Variants in EDARADD observed in about 807,000 individuals in gnomAD.
EDARADD encodes EDAR associated via death domain, also known as ectodysplasin-A receptor-associated adapter protein.
EDARADD carries 20 observed loss-of-function variants against 25.6 expected under a neutral mutation model. The observed-to-expected ratio is 0.78, with a 90% confidence interval of 0.55 to 1.14. EDARADD has a LOEUF of 1.14. EDARADD is among the 50% of genes most tolerant of loss of function. The pLI, the probability that EDARADD is intolerant of heterozygous loss-of-function variation, is 0.00. For missense variants in EDARADD, 225 were observed against 270.1 expected, an observed-to-expected ratio of 0.83 and a Z score of 1.17; for synonymous variants, 86 against 94.4, an observed-to-expected ratio of 0.91 and a Z score of 0.52.
At chr1:236,362,125 G>C (rs1211377938) in intron 3 of EDARADD, among the ~76,000 whole-genome samples, 1 of 152,186 alleles carries the variant, frequency 6.6e-6, no homozygotes, top group Non-Finnish European at 1.5e-5. Flanking sequence ...ATCCAGGCTG[G>C]AGTGCAGTGC....
chr1:236,358,947 A>G (rs1351994375), intron 3 of EDARADD, among the ~76,000 whole-genome samples: 1 of 152,178 alleles, frequency 6.6e-6, no homozygotes, highest in Non-Finnish European at 1.5e-5. Flanking sequence ...TGTCTTGATG[A>G]TCTATCTAAT....
chr1:236,447,166 CTCCCTCTTTCTT>C (rs1243499623), intron 4 of EDARADD, among the ~76,000 whole-genome samples: 111 of 115,074 alleles, frequency 9.6e-4, no homozygotes, highest in East Asian at 1.7e-3. Flanking sequence ...CCCTCCCTCC[CTCCCTCTTTCTT>C]TCTTTCTTTC....
intron 4 of EDARADD, among the ~76,000 whole-genome samples, chr1:236,465,110 C>G (rs558290471): frequency 6.6e-6 from 1 of 152,176 alleles, no homozygotes; most frequent in Non-Finnish European, 1.5e-5. Context: ...CACTTCATCC[C>G]CTTCTCTCCT....
At chr1:236,384,803 C>T (rs1405805026) in intron 3 of EDARADD, among the ~76,000 whole-genome samples, 2 of 152,086 alleles carry the variant, frequency 1.3e-5, no homozygotes, top group African/African-American at 4.8e-5. Context: ...GCTCCTGGCC[C>T]ATTTTCAGAC....
At chr1:236,427,359 G>A in intron 3 of EDARADD, 33 bp from the exon 4 acceptor site, 1 of 1,592,360 alleles carries the variant, frequency 6.3e-7, no homozygotes, top group Non-Finnish European at 8.6e-7. Flanking sequence ...ATCACACTTT[G>A]TTTCTTTCTT....
intron 1 of EDARADD, among the ~76,000 whole-genome samples, chr1:236,408,389 G>C (rs1667774909): frequency 6.6e-6 from 1 of 152,034 alleles, no homozygotes; most frequent in Non-Finnish European, 1.5e-5. Flanking sequence ...TTTTAGTAGA[G>C]ATGGGGTTTC....
chr1:236,366,270 C>G (rs373697995), intron 3 of EDARADD, among the ~76,000 whole-genome samples: 9 of 152,240 alleles, frequency 5.9e-5, no homozygotes, highest in African/African-American at 1.9e-4. Flanking sequence ...CTTCTCGTGT[C>G]TTGCTTTTAA....
chr1:236,395,651 C>T lies in EDARADD; in HGVS notation c.61+1146C>T. 2 of 1,576,412 alleles carry T rather than the reference C, an allele frequency of 1.3e-6. No individual in the cohort carries two copies. Among genetic ancestry groups the T allele is most frequent in the South Asian group, 2.3e-5 (2 of 86,524 alleles). ...CGCCATGGCTTCACCGGACGACCCTCTGCGCGCAGGTAAAGGGACACAGCG... is the reference window on the plus strand; with the variant it reads ...CGCCATGGCTTCACCGGACGACCCTTTGCGCGCAGGTAAAGGGACACAGCG... On this transcript the variant is annotated intron_variant, in intron 1 of 5. Coordinates refer to ENST00000334232, the MANE Select transcript of EDARADD (RefSeq NM_145861.4). This position sits in a 1 kb window ranked among gnomAD's most constrained non-coding sequence, Gnocchi z 6.9.
chr1:236,400,147 G>T (rs1341238637), intron 1 of EDARADD, among the ~76,000 whole-genome samples: 1 of 152,146 alleles, frequency 6.6e-6, no homozygotes, highest in Non-Finnish European at 1.5e-5. Flanking sequence ...CTCCACGTGG[G>T]TTTTCCCAAT....
At chr1:236,446,882 T>C (rs1658553644) in intron 4 of EDARADD, among the ~76,000 whole-genome samples, 1 of 152,222 alleles carries the variant, frequency 6.6e-6, no homozygotes, top group South Asian at 2.1e-4. Context: ...GCACGCACTG[T>C]AACGCATGTG....
chr1:236,431,591 G>A (rs892504489), intron 4 of EDARADD, among the ~76,000 whole-genome samples: 5 of 152,112 alleles, frequency 3.3e-5, no homozygotes, highest in African/African-American at 1.2e-4. Flanking sequence ...GGGTATTCTT[G>A]GACATAAAAA....
intron 4 of EDARADD, among the ~76,000 whole-genome samples, chr1:236,463,473 A>G (rs1010963148): frequency 4.6e-5 from 7 of 152,148 alleles, no homozygotes; most frequent in Non-Finnish European, 8.8e-5. Context: ...TTGTATTTTT[A>G]GTAGATGCGG....
intron 1 of EDARADD, 88 bp from the exon 2 acceptor site, chr1:236,409,128 C>G: frequency 1.3e-6 from 1 of 787,446 alleles, no homozygotes; most frequent in Non-Finnish European, 2.0e-6. Context: ...TTACTTGCCT[C>G]TGTATAGAGA....
At chr1:236,479,453 C>G (rs1418378516) in intron 5 of EDARADD, among the ~76,000 whole-genome samples, 1 of 151,808 alleles carries the variant, frequency 6.6e-6, no homozygotes. Context: ...CGTGATTGTG[C>G]CACTGCCATC....
At chr1:236,432,937 A>AAAAG (rs577153679) in intron 4 of EDARADD, among the ~76,000 whole-genome samples, 6,593 of 151,340 alleles carry the variant, frequency 0.044, 384 homozygotes, top group African/African-American at 0.14. Context: ...CAAAAAAAAA[A>AAAAG]AAAGAAAGAA....
chr1:236,412,411 T>C (rs1421294400), intron 2 of EDARADD, among the ~76,000 whole-genome samples: 1 of 152,188 alleles, frequency 6.6e-6, no homozygotes, highest in African/African-American at 2.4e-5. Flanking sequence ...TCTTCCCTCA[T>C]GCAAAGTCAG....
chr1:236,434,743 A>G (rs1658196152), intron 4 of EDARADD, among the ~76,000 whole-genome samples: 1 of 152,070 alleles, frequency 6.6e-6, no homozygotes, highest in South Asian at 2.1e-4. Flanking sequence ...CTGGAAGGTA[A>G]GTTGAGACCA....
chr1:236,474,703 A>G (rs1470622421), intron 5 of EDARADD, among the ~76,000 whole-genome samples: 1 of 152,208 alleles, frequency 6.6e-6, no homozygotes, highest in Non-Finnish European at 1.5e-5. Context: ...AACAACAATA[A>G]CAAATCTACC....
Position 236,456,167 on chromosome 1 carries a change from C to T in EDARADD, c.220-12064C>T, listed in dbSNP as rs529580845. Among the ~76,000 whole-genome samples, 337 of 152,338 alleles carry T rather than the reference C, an allele frequency of 2.2e-3. 1 individual carries two copies. The highest frequency in any genetic ancestry group is 6.7e-3 in the African/African-American group (278 of 41,580). On this transcript the variant is annotated intron_variant, in intron 4 of 5. Coordinates refer to ENST00000334232, the MANE Select transcript of EDARADD (RefSeq NM_145861.4). ...CGCGATCTCTGCTTACTGCAGTCTC[C>T]GTCTCCTGAGTTCAAATCAAGCGAG... is the stretch of plus-strand genomic sequence containing the variant.
Sources: allele counts gnomAD v4.1 joint callset (sites outside exome capture counted in the v4.1 genomes callset), GRCh38; gene constraint gnomAD v4.1.1; non-coding constraint Gnocchi (gnomAD v3.1); transcripts MANE v1.5; gene names NCBI Gene and HGNC (gene_info 2026-07-23, HGNC 2026-07-21).